GRAMD2B: variants seen among roughly 807,000 people sequenced by gnomAD.
GRAMD2B encodes GRAM domain containing 2B.
A neutral mutation model predicts 59.2 loss-of-function variants in GRAMD2B; 41 were observed. The ratio of observed to expected loss-of-function variants is 0.69; its 90% confidence interval spans 0.54 to 0.90. The LOEUF (loss-of-function observed/expected upper bound fraction) is 0.90. Ranked by LOEUF, GRAMD2B falls within the 40% of genes least tolerant of loss-of-function variation. The probability of loss-of-function intolerance (pLI) is 0.00; values close to 1 mark genes in which losing one functional copy is unlikely to be tolerated. For missense variants in GRAMD2B, 424 were observed against 500.5 expected (o/e 0.85, Z 1.46); for synonymous variants, 161 against 182.7 (o/e 0.88, Z 0.96).
At chr5:126,403,302 G>T (rs1580809291) in intron 1 of GRAMD2B, among the ~76,000 whole-genome samples, 1 of 152,104 alleles carries the variant, frequency 6.6e-6, no homozygotes, top group East Asian at 1.9e-4. Context: ...TTTGCAATAT[G>T]TGATAAACTC....
intron 1 of GRAMD2B, among the ~76,000 whole-genome samples, chr5:126,380,581 AGT>A (rs1244842515): frequency 1.3e-5 from 2 of 152,140 alleles, no homozygotes; most frequent in African/African-American, 4.8e-5. Context: ...CTTTTTCAGC[AGT>A]GTTTTGTAGT....
chr5:126,434,097 T>C (rs1247251111), intron 1 of GRAMD2B: 1 of 152,228 alleles, frequency 6.6e-6, no homozygotes, highest in Non-Finnish European at 1.5e-5. Flanking sequence ...AAGATGTGAC[T>C]ATAAAATAAT....
At chr5:126,476,775 A>G (rs1292339481) in intron 5 of GRAMD2B, among the ~76,000 whole-genome samples, 1 of 152,230 alleles carries the variant, frequency 6.6e-6, no homozygotes, top group Non-Finnish European at 1.5e-5. Flanking sequence ...TTGAACCAGA[A>G]AAGTATTTAG....
chr5:126,373,305 TA>T (rs1475798811), intron 1 of GRAMD2B, among the ~76,000 whole-genome samples: 3 of 152,170 alleles, frequency 2.0e-5, no homozygotes, highest in Non-Finnish European at 4.4e-5. Flanking sequence ...ATCTTTGAGA[TA>T]AAAAAATAAG....
At chr5:126,463,768 C>G (rs1767785725) in intron 1 of GRAMD2B, among the ~76,000 whole-genome samples, 1 of 152,202 alleles carries the variant, frequency 6.6e-6, no homozygotes, top group Non-Finnish European at 1.5e-5. Flanking sequence ...CCTGTAATCC[C>G]AGCACTTTGG....
intron 1 of GRAMD2B, among the ~76,000 whole-genome samples, chr5:126,452,351 C>T (rs1465391758): frequency 6.6e-6 from 1 of 152,130 alleles, no homozygotes; most frequent in African/African-American, 2.4e-5. Flanking sequence ...CCAAAAGCCC[C>T]ACATCCTAAT....
intron 1 of GRAMD2B, among the ~76,000 whole-genome samples, chr5:126,403,862 C>T (rs1758037502): frequency 1.3e-5 from 2 of 151,928 alleles, no homozygotes; most frequent in South Asian, 4.1e-4. Flanking sequence ...AAGAGGCTAT[C>T]TGGAACAAAC....
intron 1 of GRAMD2B, among the ~76,000 whole-genome samples, chr5:126,400,711 T>C (rs1757754541): frequency 6.6e-6 from 1 of 152,172 alleles, no homozygotes; most frequent in South Asian, 2.1e-4. Context: ...GAAGGACAGC[T>C]TTATCAAGTA....
intron 1 of GRAMD2B, among the ~76,000 whole-genome samples, chr5:126,435,075 A>G (rs1281826846): frequency 6.6e-6 from 1 of 152,136 alleles, no homozygotes; most frequent in Non-Finnish European, 1.5e-5. Context: ...CTCTAATCCA[A>G]AGTAAGTAAT....
chr5:126,488,934 T>C (rs1389645295), intron 13 of GRAMD2B, 42 bp downstream of exon 13: 3 of 1,448,000 alleles, frequency 2.1e-6, no homozygotes, highest in African/African-American at 2.8e-5. Context: ...GTCACAGTAG[T>C]GCCTGTTGGT....
At chr5:126,435,124 A>G (rs1580969891) in intron 1 of GRAMD2B, among the ~76,000 whole-genome samples, 1 of 152,226 alleles carries the variant, frequency 6.6e-6, no homozygotes, top group South Asian at 2.1e-4. Flanking sequence ...TGTGCAGGGA[A>G]TACAAGGCTA....
chr5:126,440,056 C>T (rs1763047255), intron 1 of GRAMD2B, among the ~76,000 whole-genome samples: 1 of 152,002 alleles, frequency 6.6e-6, no homozygotes, highest in Admixed American at 6.6e-5. Context: ...TCCGGTGTTT[C>T]TTCAAAGCAG....
At chr5:126,469,197 T>C (rs915964717) in intron 2 of GRAMD2B, among the ~76,000 whole-genome samples, 13 of 152,372 alleles carry the variant, frequency 8.5e-5, no homozygotes, top group Non-Finnish European at 1.5e-4. Flanking sequence ...TACAGCCTGA[T>C]GAAATCATTG....
chr5:126,404,115 TTC>T (rs753595294), intron 1 of GRAMD2B, among the ~76,000 whole-genome samples: 4 of 151,882 alleles, frequency 2.6e-5, no homozygotes, highest in Non-Finnish European at 4.4e-5. Flanking sequence ...TAATGTTAAA[TTC>T]TCTGAGTGGA....
At chr5:126,435,920 A>G (rs1398651324) in intron 1 of GRAMD2B, among the ~76,000 whole-genome samples, 1 of 152,314 alleles carries the variant, frequency 6.6e-6, no homozygotes, top group South Asian at 2.1e-4. Flanking sequence ...ATAGATACAT[A>G]TGAGCATTCA....
At chr5:126,417,250 C>A (rs1171571050) in intron 1 of GRAMD2B, among the ~76,000 whole-genome samples, 1 of 152,210 alleles carries the variant, frequency 6.6e-6, no homozygotes, top group Non-Finnish European at 1.5e-5. Context: ...AGCTGCATGA[C>A]CTCCAACTGT....
intron 1 of GRAMD2B, among the ~76,000 whole-genome samples, chr5:126,381,907 G>GTTTGT (rs1755692210): frequency 1.3e-5 from 2 of 152,080 alleles, no homozygotes; most frequent in African/African-American, 4.8e-5. Flanking sequence ...AATTCCCTCA[G>GTTTGT]CATTTGTTTG....
At position 126,375,495 on chromosome 5, in the gene GRAMD2B, G is replaced by A. The variant is rs1235100010; in HGVS notation, c.125+3928G>A. 4.0e-5 allele frequency among the ~76,000 whole-genome samples: 6 copies of A among 151,370 alleles called. No homozygotes were observed. The South Asian group carries it at 6.3e-4, about 16-fold the overall frequency. On this transcript the variant is annotated intron_variant, in intron 1 of 8. Transcript: ENST00000506445. Reference sequence around the variant, plus strand: ...CACCATTCTCCTGCCTCAGCCTCCCGAGTGGCTGGGACTACAGGCGCCTGC... The same window carrying A: ...CACCATTCTCCTGCCTCAGCCTCCCAAGTGGCTGGGACTACAGGCGCCTGC...
chr5:126,448,909 C>T (rs1764832656), intron 1 of GRAMD2B, among the ~76,000 whole-genome samples: 1 of 152,190 alleles, frequency 6.6e-6, no homozygotes, highest in Non-Finnish European at 1.5e-5. Context: ...TCTAACACAC[C>T]TGTCTTTCAT....
Sources: gnomAD v4.1 joint callset for allele counts (sites outside exome capture counted in the v4.1 genomes callset) on GRCh38, gnomAD v4.1.1 for gene constraint, MANE v1.5 for transcripts, NCBI Gene and HGNC (gene_info 2026-07-23, HGNC 2026-07-21) for gene names.